The following HSD17B4 variants were observed in gnomAD, a reference collection of about 807,000 sequenced individuals.
HSD17B4 encodes the protein hydroxysteroid 17-beta dehydrogenase 4.
In HSD17B4, 70 loss-of-function variants were observed where a neutral mutation model predicts 101.0. The observed-to-expected ratio is 0.69, with a 90% CI of 0.57 to 0.85. The LOEUF (loss-of-function observed/expected upper bound fraction) is 0.85. HSD17B4 is among the 40% of genes least tolerant of loss of function. The probability of loss-of-function intolerance (pLI) is 0.00; values close to 1 mark genes in which losing one functional copy is unlikely to be tolerated. For missense variants in HSD17B4, 984 were observed against 892.4 expected (o/e 1.10, Z -1.31); for synonymous variants, 347 against 297.1 (o/e 1.17, Z -1.73).
At chr5:119,477,681 T>C (rs1173558983) in intron 7 of HSD17B4, 180 bp downstream of exon 7, 3 of 612,990 alleles carry the variant, frequency 4.9e-6, no homozygotes, top group South Asian at 4.0e-5. Context: ...TAGTCACAGA[T>C]TGGCTGAGCT....
At chr5:119,467,331 C>G (rs1037963748) in intron 2 of HSD17B4, among the ~76,000 whole-genome samples, 2 of 152,114 alleles carry the variant, frequency 1.3e-5, no homozygotes, top group African/African-American at 4.8e-5. Flanking sequence ...AGTTTAAGTC[C>G]AAAGTTTCTT....
intron 22 of HSD17B4, among the ~76,000 whole-genome samples, chr5:119,533,289 C>CTT (rs34132585): frequency 0.038 from 5,675 of 147,688 alleles, 321 homozygotes; most frequent in African/African-American, 0.13. Context: ...GACAGGATGC[C>CTT]TTTTTTTTTT....
rs534321741 is a variant in HSD17B4, at chr5:119,464,102, A to T, written c.112+7734A>T. On this transcript the variant is annotated intron_variant, in intron 2 of 23. Coordinates refer to ENST00000510025, the MANE Select transcript of HSD17B4 (RefSeq NM_000414.4). ...ATTTTGGATATTAATCTCTTGTTGG[A>T]TGAATAGTTTGCAAATATTTTCTCC... Among the ~76,000 whole-genome samples the T allele has an allele frequency of 2.0e-5, 3 of 152,090 alleles. No homozygotes were observed. In the South Asian group the frequency reaches 6.2e-4, roughly 32 times the overall value.
At chr5:119,474,311 A>G (rs1406784984) in intron 3 of HSD17B4, 90 bp from the exon 4 acceptor site, 2 of 814,880 alleles carry the variant, frequency 2.5e-6, no homozygotes, top group East Asian at 2.4e-5. Flanking sequence ...TTGGGTGAAT[A>G]GTATTTGTCG....
intron 18 of HSD17B4, 86 bp downstream of exon 18, chr5:119,525,371 T>A: frequency 1.2e-6 from 1 of 836,744 alleles, no homozygotes. Flanking sequence ...TACTTATGAC[T>A]GGTAGTTTGA....
At chr5:119,466,072 A>G (rs557104328) in intron 2 of HSD17B4, among the ~76,000 whole-genome samples, 6 of 152,310 alleles carry the variant, frequency 3.9e-5, no homozygotes, top group Admixed American at 3.3e-4. Flanking sequence ...TCTTGAGATG[A>G]TCAGATGGTT....
At chr5:119,527,527 A>G (rs1474533661) in intron 20 of HSD17B4, among the ~76,000 whole-genome samples, 1 of 152,072 alleles carries the variant, frequency 6.6e-6, no homozygotes, top group Non-Finnish European at 1.5e-5. Flanking sequence ...TGGCTCAACT[A>G]GTCAATCAAG....
chr5:119,492,358 G>A (rs1011301629), intron 10 of HSD17B4: 8 of 555,764 alleles, frequency 1.4e-5, no homozygotes, highest in Non-Finnish European at 2.6e-5. Context: ...TCCTTATTCA[G>A]GACTTGTCCT....
At chr5:119,521,782 T>C (rs1753132456) in intron 17 of HSD17B4, among the ~76,000 whole-genome samples, 2 of 152,208 alleles carry the variant, frequency 1.3e-5, no homozygotes, top group East Asian at 3.9e-4. Flanking sequence ...TTTTGGATTT[T>C]GGATTCAGAG....
chr5:119,456,699 A>T (rs905068663), intron 2 of HSD17B4: 1 of 353,242 alleles, frequency 2.8e-6, no homozygotes, highest in African/African-American at 2.1e-5. Flanking sequence ...GAGAACTATG[A>T]TTATACCACT....
chr5:119,540,239 A>G (rs898871122), intron 23 of HSD17B4, among the ~76,000 whole-genome samples: 3 of 152,146 alleles, frequency 2.0e-5, no homozygotes, highest in South Asian at 2.1e-4. Flanking sequence ...GTTCAAAACA[A>G]TTAGTTTTTT....
intron 23 of HSD17B4, among the ~76,000 whole-genome samples, chr5:119,537,333 T>G (rs1754622064): frequency 6.6e-6 from 1 of 152,156 alleles, no homozygotes; most frequent in Admixed American, 6.6e-5. Flanking sequence ...ATCTTGCCCC[T>G]GTCACTTCAT....
At chr5:119,531,437 A>C in intron 22 of HSD17B4, 33 bp downstream of exon 22, 3 of 1,590,016 alleles carry the variant, frequency 1.9e-6, no homozygotes, top group Non-Finnish European at 2.6e-6. Flanking sequence ...TAATATTCTA[A>C]GGTAATTCTT....
In HSD17B4 at chr5:119,452,559, C is replaced by T. The variant is rs372388554; in HGVS notation, c.-17C>T. On this transcript the variant is annotated 5_prime_UTR_variant, in exon 1 of 24. Transcript: ENST00000510025. ...CGGCTCTGCTTGTTCGTGTGTGTGT[C>T]GTTGCAGGCCTTATTCATGGGCTCA... is the stretch of plus-strand genomic sequence containing the variant. The T allele has an allele frequency of 3.2e-5, 52 of 1,613,938 alleles. No homozygotes were observed. In the East Asian group the frequency reaches 8.2e-4, roughly 26 times the overall value.
In HSD17B4 at chr5:119,527,128, T is replaced by A. The variant is rs1045926538; in HGVS notation, c.1681-5T>A. The A allele has an allele frequency of 4.5e-6, 7 of 1,566,508 alleles. No individual in the cohort carries two copies. Among genetic ancestry groups the A allele is most frequent in the Non-Finnish European group, 6.2e-6 (7 of 1,137,230 alleles). On this transcript the variant is annotated splice_polypyrimidine_tract_variant and splice_region_variant and intron_variant, in intron 19 of 23. Transcript: ENST00000510025. ...CATTTTTAACCCCACAATTCTTTTTTAAAGGCTCGTTTTGCAAAACCAGTA... is the reference window on the plus strand; with the variant it reads ...CATTTTTAACCCCACAATTCTTTTTAAAAGGCTCGTTTTGCAAAACCAGTA...
At chr5:119,497,318 G>T (rs1302715696) in intron 12 of HSD17B4, among the ~76,000 whole-genome samples, 8 of 152,036 alleles carry the variant, frequency 5.3e-5, no homozygotes, top group Non-Finnish European at 1.2e-4. Context: ...CTGAATGGAA[G>T]AGGAAAAAAG....
At chr5:119,536,367 C>T (rs1316455933) in intron 22 of HSD17B4, 56 bp from the exon 23 acceptor site, 1 of 1,525,162 alleles carries the variant, frequency 6.6e-7, no homozygotes, top group African/African-American at 1.4e-5. Context: ...GTTTATTTTA[C>T]CCTCATTTTG....
At position 119,502,041 on chromosome 5, in the gene HSD17B4, G is replaced by A; in HGVS notation, c.1210G>A (p.Val404Ile). ...TAAAATTTTGTTTACCCTAACATAG[G>A]TTCTTCATGGAGAGCAGTACTTAGA... The part of the protein sequence containing the change: ...IPGLSINFAK[V>I]LHGEQYLELY... Residue 404 changes from valine to isoleucine, a missense_variant and splice_region_variant, in exon 14 of 24, where the codon GTT becomes ATT. By Grantham distance (29) the Val-to-Ile change is conservative. Transcript: ENST00000510025. 2 of 1,602,314 alleles carry A rather than the reference G, an allele frequency of 1.2e-6. No homozygotes were observed. Among genetic ancestry groups the A allele is most frequent in the Non-Finnish European group, 1.7e-6 (2 of 1,169,440 alleles).
At chr5:119,486,447 A>G (rs767027814) in intron 8 of HSD17B4, among the ~76,000 whole-genome samples, 2 of 152,072 alleles carry the variant, frequency 1.3e-5, no homozygotes, top group Non-Finnish European at 2.9e-5. Context: ...GTAATCACTT[A>G]AAGAGAATAT....
Sources: allele counts gnomAD v4.1 joint callset (sites outside exome capture counted in the v4.1 genomes callset), GRCh38; gene constraint gnomAD v4.1.1; transcripts MANE v1.5; gene names NCBI Gene and HGNC (gene_info 2026-07-23, HGNC 2026-07-21).